The following CENPN variants were observed in gnomAD, a reference collection of about 807,000 sequenced individuals.
The protein encoded by CENPN is interphase centromere complex protein 32.
Under a neutral mutation model 48.6 loss-of-function variants are expected in CENPN, and 36 were observed. The ratio of observed to expected loss-of-function variants is 0.74; its 90% CI spans 0.57 to 0.98. CENPN has a LOEUF of 0.98. Among genes scored for constraint, CENPN ranks in the 50% least tolerant of loss-of-function variants. The probability of loss-of-function intolerance (pLI) is 0.00; values close to 1 mark genes in which losing one functional copy is unlikely to be tolerated. For synonymous variants in CENPN, 166 were observed against 135.2 expected (o/e 1.23, Z -1.58); for missense variants, 439 against 399.2 (o/e 1.10, Z -0.85).
At chr16:81,013,140 C>G (rs1969807818) in intron 2 of CENPN, among the ~76,000 whole-genome samples, 1 of 152,102 alleles carries the variant, frequency 6.6e-6, no homozygotes, top group Admixed American at 6.5e-5. Flanking sequence ...TGTCCATCAG[C>G]AGGTAAACAG....
intron 3 of CENPN, among the ~76,000 whole-genome samples, chr16:81,016,060 G>T (rs1969918673): frequency 6.6e-6 from 1 of 151,936 alleles, no homozygotes; most frequent in Admixed American, 6.6e-5. Context: ...GGCACAGACA[G>T]AGGTCAGTGC....
At chr16:81,018,739 C>A (rs1567550291) in intron 5 of CENPN, among the ~76,000 whole-genome samples, 1 of 152,302 alleles carries the variant, frequency 6.6e-6, no homozygotes, top group East Asian at 1.9e-4. Context: ...ATACCCTGGA[C>A]TGGGGAGACT....
At chr16:81,017,160 G>T in intron 3 of CENPN, 166 bp from the exon 4 acceptor site, 1 of 380,096 alleles carries the variant, frequency 2.6e-6, no homozygotes, top group Non-Finnish European at 4.3e-6. Context: ...TTATTTATAT[G>T]AAGTACTTTA....
At chr16:81,015,004 AGGT>A (rs1436990887) in intron 3 of CENPN, among the ~76,000 whole-genome samples, 5 of 152,250 alleles carry the variant, frequency 3.3e-5, no homozygotes, top group African/African-American at 1.2e-4. Flanking sequence ...AGCACACATA[AGGT>A]AGGCTGGGCT....
chr16:81,025,140 G>A (rs1244256844), intron 8 of CENPN, among the ~76,000 whole-genome samples: 1 of 22,390 alleles, frequency 4.5e-5, no homozygotes, highest in African/African-American at 5.1e-5. Flanking sequence ...TTTCAGGGAG[G>A]TATGGTAACT....
chr16:81,019,948 A>T (rs1199194627), intron 5 of CENPN, 152 bp from the exon 6 acceptor site: 2 of 540,034 alleles, frequency 3.7e-6, no homozygotes, highest in East Asian at 6.4e-5. Context: ...AGATTCTCAA[A>T]ATACTCATGA....
chr16:81,022,024 G>A lies in CENPN; in HGVS notation c.532-573G>A, dbSNP rs570523461. On this transcript the variant is annotated intron_variant, in intron 6 of 10. Transcript: ENST00000305850. ...TCCACCTGCCTTGGCCTGCCAAAGC[G>A]CTGGGATTACAGCCGTGAGCCACTG... 9.9e-5 allele frequency among the ~76,000 whole-genome samples: 15 copies of A among 152,242 alleles called. No individual in the cohort carries two copies. In the East Asian group the frequency reaches 2.3e-3, roughly 23 times the overall value.
chr16:81,014,523 CA>C (rs556922853), intron 3 of CENPN: 56 of 210,828 alleles, frequency 2.7e-4, no homozygotes, highest in Non-Finnish European at 4.0e-4. Context: ...GTACTTGTCC[CA>C]GAAGCAATTT....
chr16:81,016,035 G>C (rs1284657710), intron 3 of CENPN, among the ~76,000 whole-genome samples: 2 of 151,496 alleles, frequency 1.3e-5, no homozygotes, highest in South Asian at 4.2e-4. Context: ...AAGAAAACCT[G>C]GTCTGAAGTC....
intron 5 of CENPN, among the ~76,000 whole-genome samples, chr16:81,018,160 C>G (rs1391910903): frequency 6.6e-6 from 1 of 151,782 alleles, no homozygotes; most frequent in Non-Finnish European, 1.5e-5. Context: ...GACTGAGCAG[C>G]TGAATTTTTA....
rs1970702132 is a variant in CENPN at position 81,030,066 on chromosome 16, A to G, written c.*1415A>G. On this transcript the variant is annotated 3_prime_UTR_variant, in exon 11 of 11. Transcript: ENST00000305850. Reference sequence around the variant, plus strand: ...CCCATTTATAAAACCACCAGAGCTCATGAAACTTATTCACTACCATGAGAA... The same window carrying G: ...CCCATTTATAAAACCACCAGAGCTCGTGAAACTTATTCACTACCATGAGAA... The G allele has an allele frequency of 3.1e-6, 1 of 327,262 alleles. No homozygotes were observed. The highest frequency in any genetic ancestry group is 4.4e-6 in the Non-Finnish European group (1 of 228,528). 20.3% of individuals were successfully genotyped at this position (327,262 alleles called of 1,614,324 possible).
chr16:81,032,919 A>C (rs34262377), downstream of CENPN: 991 of 390,572 alleles, frequency 2.5e-3, 2 homozygotes, highest in Non-Finnish European at 3.7e-3. Flanking sequence ...TAAGGGGAAC[A>C]GATAACTAAT....
At chr16:81,028,536 T>G in intron 10 of CENPN, 33 bp from the exon 11 acceptor site, 1 of 1,552,794 alleles carries the variant, frequency 6.4e-7, no homozygotes, top group Non-Finnish European at 8.7e-7. Context: ...ACTTTTAATT[T>G]TCTTTTTCCC....
chr16:81,032,750 C>A, downstream of CENPN: 1 of 1,527,824 alleles, frequency 6.5e-7, no homozygotes, highest in Non-Finnish European at 8.9e-7. Context: ...GTATGTCTCT[C>A]CTGATATACA....
At chr16:81,022,262 T>G in intron 6 of CENPN, 1 of 262,570 alleles carries the variant, frequency 3.8e-6, no homozygotes. Flanking sequence ...GGCAATATCA[T>G]TATGGTATTA....
At chr16:81,016,595 C>T in intron 3 of CENPN, among the ~76,000 whole-genome samples, 1 of 152,264 alleles carries the variant, frequency 6.6e-6, no homozygotes, top group East Asian at 1.9e-4. Flanking sequence ...AACCTCATGT[C>T]TACTAAAAAT....
At chr16:81,009,751 C>T (rs887218385) in intron 1 of CENPN, among the ~76,000 whole-genome samples, 1 of 152,194 alleles carries the variant, frequency 6.6e-6, no homozygotes, top group Non-Finnish European at 1.5e-5. Context: ...TAGGAAGATA[C>T]TTCTTTGTCC....
In CENPN at chr16:81,022,599, G is replaced by A. The variant is rs780027659; in HGVS notation, c.534G>A (p.Ala178=). The change falls in exon 7 of 11, where the codon GCG becomes GCA. Residue 178 remains alanine (A), a splice_region_variant and synonymous_variant. Transcript: ENST00000305850. ...GTCTTGCAAATTTTCATTTCAAGGC[G>A]CTGACAATTGCTAGCAAACACCATC... is the stretch of plus-strand genomic sequence containing the variant. ...LRRNTPLLGQ[A]LTIASKHHQI... 7.4e-6 allele frequency: 12 copies of A among 1,613,650 alleles called. No homozygotes were observed. The highest frequency in any genetic ancestry group is 4.5e-5 in the East Asian group (2 of 44,860).
chr16:81,008,884 G>A (rs1052102202), intron 1 of CENPN, among the ~76,000 whole-genome samples: 16 of 152,340 alleles, frequency 1.1e-4, no homozygotes, highest in South Asian at 1.0e-3. Flanking sequence ...AAGTTAAAAA[G>A]ATAATTTCAG....
Sources: gnomAD v4.1 joint callset for allele counts (sites outside exome capture counted in the v4.1 genomes callset) on GRCh38, gnomAD v4.1.1 for gene constraint, MANE v1.5 for transcripts, NCBI Gene and HGNC (gene_info 2026-07-23, HGNC 2026-07-21) for gene names.